The following UGGT2 variants were observed in gnomAD, a reference collection of about 807,000 sequenced individuals.
UGGT2 encodes the protein UDP-glucose:glycoprotein glucosyltransferase 2.
A neutral mutation model predicts 192.1 loss-of-function variants in UGGT2; 180 were observed. That is an observed-to-expected ratio of 0.94 (90% CI 0.83 to 1.06). UGGT2 has a LOEUF of 1.06. Among genes scored for constraint, UGGT2 ranks in the 50% least tolerant of loss-of-function variants. The pLI is 0.00. For synonymous variants in UGGT2, 580 were observed against 591.0 expected, an observed-to-expected ratio of 0.98 and a Z score of 0.27; for missense variants, 1,849 against 1,795.7, an observed-to-expected ratio of 1.03 and a Z score of -0.54.
At chr13:95,928,283 TG>T (rs1192666878) in intron 17 of UGGT2, among the ~76,000 whole-genome samples, 2 of 149,836 alleles carry the variant, frequency 1.3e-5, no homozygotes, top group African/African-American at 2.5e-5. Flanking sequence ...ACGGGGCGGC[TG>T]GCCGGGCAGG....
intron 15 of UGGT2, among the ~76,000 whole-genome samples, chr13:95,941,751 T>C (rs184193404): frequency 6.6e-6 from 1 of 152,256 alleles, no homozygotes; most frequent in East Asian, 1.9e-4. Flanking sequence ...GGAATACACA[T>C]AACATACACA....
At chr13:95,999,179 A>G (rs2051718904) in intron 6 of UGGT2, 32 bp downstream of exon 6, 1 of 1,574,774 alleles carries the variant, frequency 6.4e-7, no homozygotes, top group South Asian at 1.1e-5. Flanking sequence ...CCAACTTTTC[A>G]TTCTACTCAA....
At chr13:95,840,379 G>A (rs753757060) in intron 36 of UGGT2, among the ~76,000 whole-genome samples, 2 of 152,186 alleles carry the variant, frequency 1.3e-5, no homozygotes, top group South Asian at 2.1e-4. Context: ...AAAAGTGGGC[G>A]AAGAATATGA....
chr13:96,013,143 C>G (rs1305940677), intron 5 of UGGT2, among the ~76,000 whole-genome samples, 164 bp downstream of exon 5: 2 of 151,932 alleles, frequency 1.3e-5, no homozygotes, highest in Non-Finnish European at 2.9e-5. Flanking sequence ...CCAGAAGAGA[C>G]AGAATCCCAA....
At chr13:95,857,321 G>A (rs1889712344) in intron 33 of UGGT2, among the ~76,000 whole-genome samples, 1 of 152,078 alleles carries the variant, frequency 6.6e-6, no homozygotes, top group African/African-American at 2.4e-5. Flanking sequence ...AACGGGCACT[G>A]TTCTAGGATC....
chr13:95,882,746 T>G (rs2047529388), intron 27 of UGGT2, among the ~76,000 whole-genome samples: 3 of 152,194 alleles, frequency 2.0e-5, no homozygotes, highest in Non-Finnish European at 2.9e-5. Context: ...AAAAAAAGTT[T>G]TAGTTAATCT....
chr13:95,868,528 T>C (rs1022483482), intron 29 of UGGT2, among the ~76,000 whole-genome samples: 3 of 152,120 alleles, frequency 2.0e-5, no homozygotes, highest in African/African-American at 7.2e-5. Context: ...AACTGGCAGA[T>C]TGAGGCTCCA....
chr13:95,928,454 C>T lies in UGGT2; in HGVS notation c.1978-1118G>A, dbSNP rs1231628921. 8.0e-5 allele frequency among the ~76,000 whole-genome samples: 12 copies of T among 150,788 alleles called. 1 individual carries two copies. Among genetic ancestry groups the T allele is most frequent in the Admixed American group, 4.6e-4 (7 of 15,208 alleles). On this transcript the variant is annotated intron_variant, in intron 17 of 38. Coordinates refer to ENST00000376747, the MANE Select transcript of UGGT2 (RefSeq NM_020121.4). Reference sequence around the variant, plus strand: ...CTTCCCAGATGGGGCGGCTGCTGGGCGGAGGGGCTCCTCACTTCTCAGACG... The same window carrying T: ...CTTCCCAGATGGGGCGGCTGCTGGGTGGAGGGGCTCCTCACTTCTCAGACG...
At chr13:95,998,339 A>G (rs2140923125) in intron 6 of UGGT2, among the ~76,000 whole-genome samples, 1 of 152,370 alleles carries the variant, frequency 6.6e-6, no homozygotes, top group Non-Finnish European at 1.5e-5. Context: ...TACACAAGCT[A>G]TAGAGAAATA....
rs1347268980 is a variant in UGGT2, at chr13:96,031,882, CACCT to C, written c.241+3_241+6del. The C allele has an allele frequency of 6.3e-6, 10 of 1,594,742 alleles. No individual in the cohort carries two copies. Among genetic ancestry groups the C allele is most frequent in the South Asian group, 5.7e-5 (5 of 87,480 alleles). On this transcript the variant is annotated splice_donor_5th_base_variant and intron_variant, in intron 2 of 38. Coordinates refer to ENST00000376747, the MANE Select transcript of UGGT2 (RefSeq NM_020121.4). The stretch of plus-strand genomic sequence containing the variant: ...ATCTTACAAGTTAAAATTTACATAT[CACCT>C]ACCTGTTTGCTTATAAATTGCTAAT...
chr13:95,980,475 G>C (rs1203003097), intron 10 of UGGT2, among the ~76,000 whole-genome samples: 1 of 152,086 alleles, frequency 6.6e-6, no homozygotes, highest in African/African-American at 2.4e-5. Flanking sequence ...GGTGGCAAGA[G>C]ATCAAAGACT....
chr13:95,978,722 C>T (rs375155451), intron 10 of UGGT2, among the ~76,000 whole-genome samples: 2 of 152,222 alleles, frequency 1.3e-5, no homozygotes, highest in South Asian at 4.2e-4. Flanking sequence ...AGATGGGGGT[C>T]TAGTTTCATT....
intron 38 of UGGT2, among the ~76,000 whole-genome samples, chr13:95,814,661 A>C (rs1884734284): frequency 1.3e-5 from 2 of 152,196 alleles, no homozygotes; most frequent in African/African-American, 4.8e-5. Flanking sequence ...GTCTTAACTC[A>C]TTCCAGCATT....
chr13:95,951,383 G>T (rs569518419), intron 12 of UGGT2, among the ~76,000 whole-genome samples: 67 of 152,316 alleles, frequency 4.4e-4, no homozygotes, highest in Middle Eastern at 3.4e-3. Flanking sequence ...GTCTGAGGAA[G>T]AAAAGAGAAA....
At chr13:95,885,739 AAAC>A (rs1438288740) in intron 26 of UGGT2, among the ~76,000 whole-genome samples, 9 of 152,230 alleles carry the variant, frequency 5.9e-5, no homozygotes, top group Non-Finnish European at 1.2e-4. Flanking sequence ...TAAATGTTCA[AAAC>A]AAATTCTTGC....
chr13:95,980,901 G>C (rs1424126405), intron 10 of UGGT2, among the ~76,000 whole-genome samples: 1 of 152,146 alleles, frequency 6.6e-6, no homozygotes, highest in South Asian at 2.1e-4. Flanking sequence ...AGGAGGCTGA[G>C]GCAGGAGAAT....
intron 36 of UGGT2, among the ~76,000 whole-genome samples, chr13:95,852,046 C>T (rs961693971): frequency 1.6e-4 from 25 of 152,182 alleles, no homozygotes; most frequent in African/African-American, 6.0e-4. Context: ...TCTGTAAACA[C>T]ATATATATTT....
chr13:95,998,571 C>T (rs1398139226), intron 6 of UGGT2, among the ~76,000 whole-genome samples: 1 of 152,102 alleles, frequency 6.6e-6, no homozygotes, highest in Non-Finnish European at 1.5e-5. Context: ...GACCAAGAAT[C>T]AGGCATAAAT....
chr13:95,887,853 C>T, intron 26 of UGGT2, 39 bp downstream of exon 26: 1 of 1,309,520 alleles, frequency 7.6e-7, no homozygotes, highest in Non-Finnish European at 1.1e-6. Context: ...TCAGCATTTA[C>T]AAATTTTTCA....
Sources: allele counts gnomAD v4.1 joint callset (sites outside exome capture counted in the v4.1 genomes callset), GRCh38; gene constraint gnomAD v4.1.1; transcripts MANE v1.5; gene names NCBI Gene and HGNC (gene_info 2026-07-23, HGNC 2026-07-21).